Variants in NPC1 observed in about 807,000 individuals in gnomAD.
The protein encoded by NPC1 is NPC intracellular cholesterol transporter 1.
In NPC1, 85 loss-of-function variants were observed where a neutral mutation model predicts 140.4. The ratio of observed to expected loss-of-function variants is 0.61; its 90% CI spans 0.51 to 0.72. NPC1 has a LOEUF of 0.72. Among genes scored for constraint, NPC1 ranks in the 30% least tolerant of loss-of-function variants. The probability of loss-of-function intolerance (pLI) is 0.00; values close to 1 mark genes in which losing one functional copy is unlikely to be tolerated. For synonymous variants in NPC1, 656 were observed against 624.8 expected (o/e 1.05, Z -0.74); for missense variants, 1,504 against 1,623.8 (o/e 0.93, Z 1.27).
At chr18:23,546,995 T>C (rs1567957652) in intron 11 of NPC1, among the ~76,000 whole-genome samples, 1 of 152,150 alleles carries the variant, frequency 6.6e-6, no homozygotes, top group East Asian at 1.9e-4. Flanking sequence ...ATTCTCTTTT[T>C]TCTTTTTTTT....
chr18:23,568,062 ATTTT>A (rs891406348), intron 4 of NPC1, among the ~76,000 whole-genome samples: 15 of 152,146 alleles, frequency 9.9e-5, no homozygotes, highest in Non-Finnish European at 2.2e-4. Context: ...TACACAATTG[ATTTT>A]TTTATTTTCT....
chr18:23,549,992 C>T (rs1011747381), intron 10 of NPC1, among the ~76,000 whole-genome samples: 7 of 151,530 alleles, frequency 4.6e-5, no homozygotes, highest in African/African-American at 1.7e-4. Context: ...AAAATGCTGA[C>T]TGCCATGCAT....
At chr18:23,530,731 C>A, downstream of NPC1, 1 of 863,790 alleles carries the variant, frequency 1.2e-6, no homozygotes, top group Non-Finnish European at 1.8e-6. Flanking sequence ...AATTTGATAA[C>A]AGCCCACCTA....
At chr18:23,526,736 A>T, downstream of NPC1, 1 of 1,614,162 alleles carries the variant, frequency 6.2e-7, no homozygotes, top group South Asian at 1.1e-5. Context: ...AAGGAATGCA[A>T]GATGGTCATC....
Position 23,536,675 on chromosome 18 carries a change from G to A in NPC1, c.3243C>T (p.Tyr1081=), listed in dbSNP as rs751365149. ...CATTGAAAAAGGGCAGGCTTTACCT[G>A]TAAGGAAATACTCGGTAGGCACTGC... ...INGSAYRVFP[Y]SVFYVFYEQY... Residue 1081 remains tyrosine (Y), a splice_region_variant and synonymous_variant, in exon 21 of 25, where the codon TAC becomes TAT. Transcript: ENST00000269228. 1 of 1,613,554 alleles carries A rather than the reference G, an allele frequency of 6.2e-7. No homozygotes were observed. Among genetic ancestry groups the A allele is most frequent in the Non-Finnish European group, 8.5e-7 (1 of 1,179,582 alleles).
chr18:23,585,287 C>T (rs1021225345), intron 1 of NPC1, among the ~76,000 whole-genome samples: 2 of 152,152 alleles, frequency 1.3e-5, no homozygotes, highest in Admixed American at 6.5e-5. Flanking sequence ...CATGTTGCCC[C>T]GGCTGGTCTT....
In NPC1 at chr18:23,534,613, C is replaced by T. The variant is rs183308378; in HGVS notation, c.3478-54G>A. ...CTCTCTTCCTGTTGAAGACCCTAGG[C>T]AGCCACCCCGTTCTGAGGATGGGTG... On this transcript the variant is annotated intron_variant, in intron 22 of 24. Coordinates refer to ENST00000269228, the MANE Select transcript of NPC1 (RefSeq NM_000271.5). 5.8e-5 allele frequency: 82 copies of T among 1,421,296 alleles called. No individual in the cohort carries two copies. The Admixed American group carries it at 1.5e-3, about 26-fold the overall frequency. 88.0% of individuals were successfully genotyped at this position (1,421,296 alleles called of 1,614,324 possible). A position where few individuals can be genotyped will look rare whatever the true frequency, so the allele number is the denominator to read the frequency against.
At chr18:23,574,963 T>A (rs567601393) in intron 1 of NPC1, among the ~76,000 whole-genome samples, 3 of 152,236 alleles carry the variant, frequency 2.0e-5, no homozygotes, top group Non-Finnish European at 2.9e-5. Flanking sequence ...AAAGTCATTA[T>A]CCATCTAACT....
chr18:23,526,740 G>A (rs2058308722), downstream of NPC1: 3 of 1,614,076 alleles, frequency 1.9e-6, no homozygotes, highest in Non-Finnish European at 2.5e-6. Flanking sequence ...AATGCAAGAT[G>A]GTCATCCTGT....
intron 5 of NPC1, among the ~76,000 whole-genome samples, chr18:23,560,997 C>T (rs1329473638): frequency 6.6e-6 from 1 of 152,206 alleles, no homozygotes; most frequent in African/African-American, 2.4e-5. Context: ...GTAGATTATG[C>T]TTCCTCAACT....
At chr18:23,519,177 A>G (rs2058083189), downstream of NPC1, 1 of 1,611,814 alleles carries the variant, frequency 6.2e-7, no homozygotes, top group Non-Finnish European at 8.5e-7. Context: ...ATACAGAGGT[A>G]CAAGCTGTCT....
rs1347518931 is a variant in NPC1, at chr18:23,544,436, A to C, written c.2038T>G (p.Leu680Val). 6.2e-7 allele frequency: 1 copy of C among 1,614,166 alleles called. No homozygotes were observed. Among genetic ancestry groups the C allele is most frequent in the Admixed American group, 1.7e-5 (1 of 60,016 alleles). The change falls in exon 13 of 25, where the codon TTG (leucine) becomes GTG (valine). Residue 680 changes from leucine to valine, a missense_variant. Leu to Val is a conservative substitution (Grantham distance 32, BLOSUM62 1). Transcript: ENST00000269228. ...CSLGVFSYIG[L>V]PLTLIVIEVI... ...TCAATCACAATGAGGGTCAAGGGCA[A>C]CCCAATGTAGCTGAAGACACCCAAG...
chr18:23,534,175 T>G, intron 23 of NPC1: 3 of 558,914 alleles, frequency 5.4e-6, no homozygotes, highest in Non-Finnish European at 9.7e-6. Context: ...CCCTGCATTT[T>G]AAATGGGAAA....
chr18:23,527,196 C>T (rs1438753520), downstream of NPC1, among the ~76,000 whole-genome samples: 2 of 121,764 alleles, frequency 1.6e-5, no homozygotes, highest in Non-Finnish European at 3.2e-5. Flanking sequence ...CCAGCCTGGA[C>T]GACAACATGG....
At position 23,544,956 on chromosome 18, in the gene NPC1, T is replaced by A; in HGVS notation, c.1947+4A>T. The A allele has an allele frequency of 5.6e-6, 7 of 1,256,772 alleles. No individual in the cohort carries two copies. The highest frequency in any genetic ancestry group is 2.1e-5 in the Admixed American group (1 of 47,176). The allele number at this position is 1,256,772 out of a possible 1,614,324, so 77.9% of individuals were successfully genotyped here. The stretch of plus-strand genomic sequence containing the variant: ...AGAACATACACCACCCCCCCCCGGC[T>A]TACCAGAAGCCTGCGACAGCTTTTC... On this transcript the variant is annotated splice_donor_region_variant and intron_variant, in intron 12 of 24. Coordinates refer to ENST00000269228, the MANE Select transcript of NPC1 (RefSeq NM_000271.5).
chr18:23,560,278 C>T lies in NPC1; in HGVS notation c.834G>A (p.Ala278=), dbSNP rs146105340. ...ATGCTCCAAAAAACACAAGCAAAAA[C>T]GCCATGTAGGTGATCCACATGATGA... ...MYVIMWITYM[A]FLLVFFGAFF... The change falls in exon 6 of 25, where the codon GCG becomes GCA. Residue 278 remains alanine, a synonymous_variant. Coordinates refer to ENST00000269228, the MANE Select transcript of NPC1 (RefSeq NM_000271.5). 1.7e-5 allele frequency: 27 copies of T among 1,614,080 alleles called. No homozygotes were observed. The South Asian group carries it at 1.8e-4, about 11-fold the overall frequency.
rs146738834 is a variant in NPC1 at position 23,544,211 on chromosome 18, G to A, written c.2130+133C>T. The A allele has an allele frequency of 1.0e-4, 88 of 855,242 alleles. No homozygotes were observed. In the East Asian group the frequency reaches 2.1e-3, roughly 20 times the overall value. The allele number at this position is 855,242 out of a possible 1,614,324, so 53.0% of individuals were successfully genotyped here. ...TAAGATGTCCACAGCAAGTCAAGAC[G>A]ACCGATGAGCCACACAGGGAAAGGA... On this transcript the variant is annotated intron_variant, in intron 13 of 24. Coordinates refer to ENST00000269228, the MANE Select transcript of NPC1 (RefSeq NM_000271.5).
intron 7 of NPC1, among the ~76,000 whole-genome samples, chr18:23,556,867 C>A (rs989081503): frequency 5.9e-5 from 9 of 152,238 alleles, no homozygotes; most frequent in Non-Finnish European, 1.2e-4. Flanking sequence ...TTCAACCCTG[C>A]CCTGCTATTC....
chr18:23,520,329 T>C (rs2058110547), downstream of NPC1: 1 of 1,590,052 alleles, frequency 6.3e-7, no homozygotes, highest in Non-Finnish European at 8.6e-7. Flanking sequence ...ACGGGTTCTG[T>C]AGAGGAGTCT....
Sources: gnomAD v4.1 joint callset for allele counts (sites outside exome capture counted in the v4.1 genomes callset) on GRCh38, gnomAD v4.1.1 for gene constraint, MANE v1.5 for transcripts, NCBI Gene and HGNC (gene_info 2026-07-23, HGNC 2026-07-21) for gene names.